Variants in RFX2 observed in about 807,000 individuals in gnomAD.
The protein encoded by RFX2 is regulatory factor X2, also known as DNA-binding protein RFX2.
In RFX2, 20 loss-of-function variants were observed where a neutral mutation model predicts 87.8. The ratio of observed to expected loss-of-function variants is 0.23; its 90% CI spans 0.16 to 0.33. The LOEUF (loss-of-function observed/expected upper bound fraction) is 0.33, where lower values mean the gene tolerates loss of function less well. Ranked by LOEUF, RFX2 falls within the 10% of genes least tolerant of loss-of-function variation. The pLI, the probability that RFX2 is intolerant of heterozygous loss-of-function variation, is 1.00. For synonymous variants in RFX2, 397 were observed against 431.3 expected (o/e 0.92, Z 0.98); for missense variants, 767 against 1,012.3 (o/e 0.76, Z 3.29).
intron 1 of RFX2, among the ~76,000 whole-genome samples, chr19:6,096,533 G>GC (rs1056349323): frequency 6.6e-6 from 1 of 152,076 alleles, no homozygotes; most frequent in South Asian, 2.1e-4. Flanking sequence ...TGCAAGCTCC[G>GC]CCCCCCGGGT....
Position 6,016,670 on chromosome 19 carries a change from C to T in RFX2, c.598-399G>A, listed in dbSNP as rs536614333. Among the ~76,000 whole-genome samples the T allele has an allele frequency of 1.4e-4, 21 of 152,316 alleles. No individual in the cohort carries two copies. In the Middle Eastern group the frequency reaches 0.017, roughly 123 times the overall value. Reference sequence around the variant, plus strand: ...CCTCCCAAAGTGCTGGGATTACAGGCGTGAGCCACCGTGCCTGGCCAGAAA... The same window carrying T: ...CCTCCCAAAGTGCTGGGATTACAGGTGTGAGCCACCGTGCCTGGCCAGAAA... On this transcript the variant is annotated intron_variant, in intron 6 of 17. Transcript: ENST00000303657. The surrounding 1 kb of genome is among the most constrained non-coding windows in gnomAD (Gnocchi z 5.4).
At chr19:6,084,676 C>T (rs2037609822) in intron 1 of RFX2, among the ~76,000 whole-genome samples, 1 of 149,740 alleles carries the variant, frequency 6.7e-6, no homozygotes, top group Admixed American at 6.6e-5. Flanking sequence ...CTCTTGTTGC[C>T]CAGGCAGGAG....
At position 5,994,150 on chromosome 19, in the gene RFX2, G is replaced by A. The variant is rs1446837895; in HGVS notation, c.*685C>T. ...AGCTGCGGATCTGCCGGGACACAGC[G>A]ATTGTCAGCTGCCCCTCAAGTCCTT... On this transcript the variant is annotated 3_prime_UTR_variant, in exon 18 of 18. Coordinates refer to ENST00000303657, the MANE Select transcript of RFX2 (RefSeq NM_000635.4). 3.3e-5 allele frequency: 5 copies of A among 152,268 alleles called. No homozygotes were observed. Among genetic ancestry groups the A allele is most frequent in the Non-Finnish European group, 7.3e-5 (5 of 68,066 alleles). The allele number at this position is 152,268 out of a possible 1,614,324, so 9.4% of individuals were successfully genotyped here. A position where few individuals can be genotyped will look rare whatever the true frequency, so the allele number is the denominator to read the frequency against.
intron 5 of RFX2, among the ~76,000 whole-genome samples, chr19:6,036,832 C>A (rs1002118642): frequency 2.0e-5 from 3 of 152,126 alleles, no homozygotes; most frequent in Non-Finnish European, 2.9e-5. Flanking sequence ...GGGAAAAAGG[C>A]AAGGATGTCC....
At chr19:6,100,964 C>A (rs1043059997) in intron 1 of RFX2, among the ~76,000 whole-genome samples, 1 of 152,010 alleles carries the variant, frequency 6.6e-6, no homozygotes, top group African/African-American at 2.4e-5. Context: ...AGTAAAAATA[C>A]CAGGATTTAC....
intron 1 of RFX2, among the ~76,000 whole-genome samples, chr19:6,100,151 C>T (rs1446641217): frequency 6.6e-6 from 1 of 152,108 alleles, no homozygotes; most frequent in Non-Finnish European, 1.5e-5. Flanking sequence ...GTAGAAATGA[C>T]ATTCCAGAGA....
At chr19:6,046,605 C>CTTTT (rs55854937) in intron 2 of RFX2, among the ~76,000 whole-genome samples, 8 of 90,566 alleles carry the variant, frequency 8.8e-5, no homozygotes, top group Non-Finnish European at 1.1e-4. Context: ...GCCTTTTTGC[C>CTTTT]TTTTTTTTTT....
At chr19:6,099,424 A>G (rs1251107473) in intron 1 of RFX2, among the ~76,000 whole-genome samples, 1 of 152,220 alleles carries the variant, frequency 6.6e-6, no homozygotes, top group Non-Finnish European at 1.5e-5. Flanking sequence ...GGTAAAGGAA[A>G]AGTACATATT....
At position 6,006,758 on chromosome 19, in the gene RFX2, A is replaced by ATTT. The variant is rs766700053; in HGVS notation, c.1402+251_1402+253dup. 8.3e-4 allele frequency among the ~76,000 whole-genome samples: 115 copies of ATTT among 138,880 alleles called. 1 individual carries two copies. Among genetic ancestry groups the ATTT allele is most frequent in the African/African-American group, 3.0e-3 (112 of 37,818 alleles). The allele number at this position is 138,880 out of a possible 152,430, so 91.1% of individuals were successfully genotyped here. ...AGCAACCTTGCCTGGCCCCAGATAA[A>ATTT]TTTTTTTTTTTTTTTTTAGAGACAG... On this transcript the variant is annotated intron_variant, in intron 12 of 17. Transcript: ENST00000303657.
intron 1 of RFX2, among the ~76,000 whole-genome samples, chr19:6,086,767 A>T (rs1361229075): frequency 6.6e-6 from 1 of 152,118 alleles, no homozygotes; most frequent in Non-Finnish European, 1.5e-5. Flanking sequence ...GCGCTTCCTT[A>T]CTATTATTTG....
intron 1 of RFX2, among the ~76,000 whole-genome samples, chr19:6,105,656 C>T (rs1001708275): frequency 3.9e-5 from 6 of 152,106 alleles, no homozygotes; most frequent in East Asian, 1.9e-4. Context: ...TGGAATCATC[C>T]GGGCTAGATG....
chr19:6,068,525 G>A (rs2087546140), intron 1 of RFX2: 1 of 152,228 alleles, frequency 6.6e-6, no homozygotes, highest in Non-Finnish European at 1.5e-5. Context: ...GATAGGAAGG[G>A]GTTGCAATTT....
At chr19:6,095,710 C>A (rs1018263813) in intron 1 of RFX2, among the ~76,000 whole-genome samples, 1 of 152,086 alleles carries the variant, frequency 6.6e-6, no homozygotes, top group Non-Finnish European at 1.5e-5. Context: ...AGAAAGTCTA[C>A]GAATGCGAGT....
In RFX2 at chr19:6,056,971, G is replaced by A. The variant is rs2087352890; in HGVS notation, c.-8-9467C>T. ...TCCCTCCCTCGTGCCTCAGAAATAT[G>A]CCCGGAGTGCTGTTTATAAGCTGAG... On this transcript the variant is annotated intron_variant, in intron 1 of 17. Coordinates refer to ENST00000303657, the MANE Select transcript of RFX2 (RefSeq NM_000635.4). This position sits in a 1 kb window ranked among gnomAD's most constrained non-coding sequence, Gnocchi z 4.6. Among the ~76,000 whole-genome samples, 1 of 152,152 alleles carries A rather than the reference G, an allele frequency of 6.6e-6. No homozygotes were observed. Among genetic ancestry groups the A allele is most frequent in the Admixed American group, 6.5e-5 (1 of 15,276 alleles).
In RFX2 at chr19:6,007,028, C is replaced by A. The variant is rs755571424; in HGVS notation, c.1386G>T (p.Val462=). Reference sequence around the variant, plus strand: ...GTCACTTACTGGGGACCGGCCTCAGCACGTCGGGGATGAGAATCTCCACCA... The same window carrying A: ...GTCACTTACTGGGGACCGGCCTCAGAACGTCGGGGATGAGAATCTCCACCA... ...QALVEILIPD[V]LRPVPSTLTQ... The change falls in exon 12 of 18, where the codon GTG becomes GTT. Residue 462 remains valine (V), a synonymous_variant. Coordinates refer to ENST00000303657, the MANE Select transcript of RFX2 (RefSeq NM_000635.4). This position sits in a 1 kb window ranked among gnomAD's most constrained non-coding sequence, Gnocchi z 8.2. 6.2e-7 allele frequency: 1 copy of A among 1,614,052 alleles called. No individual in the cohort carries two copies. The highest frequency in any genetic ancestry group is 1.1e-5 in the South Asian group (1 of 91,086).
Position 5,997,067 on chromosome 19 carries a change from A to G in RFX2, c.2006T>C (p.Met669Thr). 6.2e-7 allele frequency: 1 copy of G among 1,610,674 alleles called. No homozygotes were observed. The change falls in exon 16 of 18, where the codon ATG (methionine) becomes ACG (threonine). Residue 669 changes from methionine (M) to threonine (T), a missense_variant. Physicochemically the swap from Met to Thr is moderately conservative, Grantham distance 81 (BLOSUM62 -1). Transcript: ENST00000303657. The surrounding 1 kb of genome is among the most constrained non-coding windows in gnomAD (Gnocchi z 4.2). Reference sequence around the variant, plus strand: ...ACCCAGGAGGGTCCTCACCTCTCCCATCACAGCGATCGGCGTCTCTCCGGT... The same window carrying G: ...ACCCAGGAGGGTCCTCACCTCTCCCGTCACAGCGATCGGCGTCTCTCCGGT... ...EATGETPIAV[M>T]GEFNDLASLS...
intron 1 of RFX2, among the ~76,000 whole-genome samples, chr19:6,086,998 T>C (rs28479876): frequency 0.074 from 11,312 of 152,252 alleles, 454 homozygotes; most frequent in Middle Eastern, 0.1. Flanking sequence ...GTATGTCTTT[T>C]TTTTTTTAAT....
At position 6,016,175 on chromosome 19, in the gene RFX2, T is replaced by G. The variant is rs759009712; in HGVS notation, c.694A>C (p.Lys232Gln). ...GAGGCGGCGTTCACTGGGTCTAGCT[T>G]GTGCTCCTGGCAGTGCCGAAGGTAG... ...NHYLRHCQEH[K>Q]LDPVNAASFG... The change falls in exon 7 of 18, where the codon AAG becomes CAG. Residue 232 changes from lysine to glutamine, a missense_variant. By Grantham distance (53) the Lys-to-Gln change is moderately conservative. Around this residue, in one of 2 missense-constraint regions of RFX2, gnomAD observed 621 missense variants for 873.0 expected, o/e 0.71. Coordinates refer to ENST00000303657, the MANE Select transcript of RFX2 (RefSeq NM_000635.4). The surrounding 1 kb of genome is among the most constrained non-coding windows in gnomAD (Gnocchi z 5.4). 1 of 1,614,124 alleles carries G rather than the reference T, an allele frequency of 6.2e-7. No individual in the cohort carries two copies.
chr19:6,102,768 C>T (rs759854279), intron 1 of RFX2, among the ~76,000 whole-genome samples: 16 of 152,210 alleles, frequency 1.1e-4, no homozygotes, highest in Admixed American at 4.6e-4. Context: ...GAGCCCAGTC[C>T]GCATCACACG....
Sources: allele counts gnomAD v4.1 joint callset (sites outside exome capture counted in the v4.1 genomes callset), GRCh38; gene constraint gnomAD v4.1.1; regional missense constraint gnomAD v4.1.1; non-coding constraint Gnocchi (gnomAD v3.1); transcripts MANE v1.5; gene names NCBI Gene and HGNC (gene_info 2026-07-23, HGNC 2026-07-21).